The following CYS1 variants were observed in gnomAD, a reference collection of about 807,000 sequenced individuals.
CYS1 encodes cystin 1, also known as cystin-1.
Under a neutral mutation model 9.6 loss-of-function variants are expected in CYS1, and 5 were observed. The ratio of observed to expected loss-of-function variants is 0.52; its 90% CI spans 0.27 to 1.10. CYS1 has a LOEUF of 1.10. CYS1 is among the 50% of genes least tolerant of loss of function. The pLI is 0.11. For missense variants in CYS1, 221 were observed against 207.9 expected (o/e 1.06, Z -0.39); for synonymous variants, 88 against 95.7 (o/e 0.92, Z 0.47).
At chr2:10,061,599 G>A (rs77503065) in intron 2 of CYS1, among the ~76,000 whole-genome samples, 2,044 of 152,294 alleles carry the variant, frequency 0.013, 46 homozygotes, top group African/African-American at 0.046. Flanking sequence ...CACTCGTCCT[G>A]TCTCACTCAG....
At chr2:10,069,087 AAAAT>A (rs1240578135) in intron 1 of CYS1, among the ~76,000 whole-genome samples, 8 of 152,234 alleles carry the variant, frequency 5.3e-5, no homozygotes, top group African/African-American at 1.9e-4. Flanking sequence ...TAAATTTTAA[AAAAT>A]AAATAAAAGT....
intron 2 of CYS1, among the ~76,000 whole-genome samples, chr2:10,059,644 A>G (rs1258902982): frequency 6.6e-6 from 1 of 152,254 alleles, no homozygotes; most frequent in Non-Finnish European, 1.5e-5. Flanking sequence ...CAGTGAGCCA[A>G]GAATGAGCCT....
At chr2:10,078,101 G>A (rs1207997839) in intron 1 of CYS1, among the ~76,000 whole-genome samples, 2 of 90,432 alleles carry the variant, frequency 2.2e-5, no homozygotes, top group African/African-American at 4.6e-5. Context: ...GTGAAACTCC[G>A]TTTCAAAAAA....
At chr2:10,075,698 C>A (rs1661833209) in intron 1 of CYS1, among the ~76,000 whole-genome samples, 1 of 152,150 alleles carries the variant, frequency 6.6e-6, no homozygotes, top group Non-Finnish European at 1.5e-5. Context: ...TCCGGATGCT[C>A]CATGGCTACA....
chr2:10,079,787 C>A (rs1180871505), intron 1 of CYS1, 119 bp downstream of exon 1: 24 of 578,864 alleles, frequency 4.1e-5, no homozygotes, highest in Non-Finnish European at 5.0e-5. Context: ...GCGGGGAGCA[C>A]GCAAGTCGGA....
intron 2 of CYS1, among the ~76,000 whole-genome samples, chr2:10,061,846 T>G (rs1479508311): frequency 6.6e-6 from 1 of 152,062 alleles, no homozygotes; most frequent in East Asian, 1.9e-4. Context: ...GGCCATAAGC[T>G]CTTTCTTTCC....
At chr2:10,073,595 CA>C (rs1397310975) in intron 1 of CYS1, among the ~76,000 whole-genome samples, 1 of 152,120 alleles carries the variant, frequency 6.6e-6, no homozygotes, top group African/African-American at 2.4e-5. Flanking sequence ...TGGCCTTGGG[CA>C]GGGGGCTGCT....
intron 1 of CYS1, among the ~76,000 whole-genome samples, chr2:10,067,079 G>A (rs998008240): frequency 6.6e-6 from 1 of 152,068 alleles, no homozygotes; most frequent in Non-Finnish European, 1.5e-5. Context: ...GCAATGGTGC[G>A]ATCTCAGCTC....
rs1052205171 is a variant in CYS1, at chr2:10,059,668, T to C, written c.372-710A>G. Among the ~76,000 whole-genome samples the C allele has an allele frequency of 5.9e-5, 9 of 152,228 alleles. No homozygotes were observed. In the East Asian group the frequency reaches 1.7e-3, roughly 29 times the overall value. ...AAGAATGAGCCTCTGCACTCCAGCC[T>C]GAGTGACAAAGTAAGACTCTGTCTC... On this transcript the variant is annotated intron_variant, in intron 2 of 2. Transcript: ENST00000381813.
At chr2:10,068,019 T>C (rs1263700101) in intron 1 of CYS1, among the ~76,000 whole-genome samples, 2 of 150,728 alleles carry the variant, frequency 1.3e-5, no homozygotes, top group Admixed American at 6.6e-5. Context: ...TCCAGCTATC[T>C]TGTATCAGGT....
rs1374745790 is a variant in CYS1 at position 10,060,274 on chromosome 2, C to T, written c.372-1316G>A. 5.9e-5 allele frequency among the ~76,000 whole-genome samples: 9 copies of T among 152,360 alleles called. No individual in the cohort carries two copies. The South Asian group carries it at 1.2e-3, about 21-fold the overall frequency. ...CCACTTGCCAGACATTAGGGCTAGC[C>T]GCCCCCCATTTCCCGGCCTGGTTCC... On this transcript the variant is annotated intron_variant, in intron 2 of 2. Transcript: ENST00000381813.
chr2:10,062,196 G>A lies in CYS1; in HGVS notation c.372-3238C>T, dbSNP rs751078439. ...CTAATTTTGGTACTTTTGTGGAGAC[G>A]AGGTCTCCCTATGTTACCCAGGCTG... is the stretch of plus-strand genomic sequence containing the variant. On this transcript the variant is annotated intron_variant, in intron 2 of 2. Transcript: ENST00000381813. Among the ~76,000 whole-genome samples, 13 of 151,920 alleles carry A rather than the reference G, an allele frequency of 8.6e-5. 1 individual carries two copies. The South Asian group carries it at 1.2e-3, about 15-fold the overall frequency.
chr2:10,074,087 AT>A (rs1661811852), intron 1 of CYS1, among the ~76,000 whole-genome samples: 2 of 152,184 alleles, frequency 1.3e-5, no homozygotes, highest in South Asian at 4.1e-4. Context: ...CAGGCTTGGC[AT>A]CCTTCCCCAC....
chr2:10,059,368 T>G (rs1382471889), intron 2 of CYS1, among the ~76,000 whole-genome samples: 1 of 152,254 alleles, frequency 6.6e-6, no homozygotes, highest in African/African-American at 2.4e-5. Flanking sequence ...ATGGGCAGCA[T>G]GTGATGTGGA....
intron 2 of CYS1, among the ~76,000 whole-genome samples, chr2:10,060,072 G>A (rs1246230037): frequency 6.6e-6 from 1 of 152,272 alleles, no homozygotes; most frequent in Non-Finnish European, 1.5e-5. Context: ...AGGGCATGAA[G>A]CCTCGGTCAG....
chr2:10,067,516 TC>T (rs2125289371), intron 1 of CYS1, among the ~76,000 whole-genome samples: 1 of 143,394 alleles, frequency 7.0e-6, no homozygotes, highest in African/African-American at 2.6e-5. Flanking sequence ...CAAGCAACCC[TC>T]CCATGTCAGC....
chr2:10,071,617 T>G lies in CYS1; in HGVS notation c.319-5661A>C, dbSNP rs563441782. 1.3e-3 allele frequency among the ~76,000 whole-genome samples: 199 copies of G among 152,340 alleles called. 1 individual carries two copies. The highest frequency in any genetic ancestry group is 2.6e-3 in the Admixed American group (40 of 15,302). ...TTGCGTGGCCCTTTATCTGGCCAAT[T>G]TGTTTAAGCCTTGAACTTACTTTCT... On this transcript the variant is annotated intron_variant, in intron 1 of 2. Coordinates refer to ENST00000381813, the MANE Select transcript of CYS1 (RefSeq NM_001037160.3).
chr2:10,061,475 C>A (rs1661625784), intron 2 of CYS1, among the ~76,000 whole-genome samples: 1 of 152,232 alleles, frequency 6.6e-6, no homozygotes, highest in Non-Finnish European at 1.5e-5. Flanking sequence ...GACCTGGGGA[C>A]CCCCACAGGA....
intron 2 of CYS1, 132 bp from the exon 3 acceptor site, chr2:10,059,090 C>T: frequency 1.3e-6 from 1 of 776,348 alleles, no homozygotes; most frequent in Non-Finnish European, 2.1e-6. Flanking sequence ...CCTGGGACAC[C>T]CTGTGGCGCT....
Sources: allele counts gnomAD v4.1 joint callset (sites outside exome capture counted in the v4.1 genomes callset), GRCh38; gene constraint gnomAD v4.1.1; transcripts MANE v1.5; gene names NCBI Gene and HGNC (gene_info 2026-07-23, HGNC 2026-07-21).